BBS1: variants seen among roughly 807,000 people sequenced by gnomAD.
The protein encoded by BBS1 is Bardet-Biedl syndrome 1.
A neutral mutation model predicts 73.9 loss-of-function variants in BBS1; 60 were observed. The observed-to-expected ratio is 0.81, with a 90% CI of 0.66 to 1.01. The LOEUF (loss-of-function observed/expected upper bound fraction) is 1.01, where lower values mean the gene tolerates loss of function less well. BBS1 is among the 50% of genes least tolerant of loss of function. BBS1 has a pLI of 0.00. For synonymous variants in BBS1, 283 were observed against 317.4 expected, an observed-to-expected ratio of 0.89 and a Z score of 1.15; for missense variants, 718 against 770.3, an observed-to-expected ratio of 0.93 and a Z score of 0.80.
At chr11:66,516,116 T>C (rs961845795) in intron 7 of BBS1, among the ~76,000 whole-genome samples, 183 bp downstream of exon 7, 1 of 147,824 alleles carries the variant, frequency 6.8e-6, no homozygotes, top group African/African-American at 2.5e-5. Flanking sequence ...CAGTTAGTAG[T>C]GACAGCTTTT....
intron 14 of BBS1, 111 bp downstream of exon 14, chr11:66,530,063 C>T (rs780428127): frequency 6.9e-7 from 1 of 1,452,962 alleles, no homozygotes; most frequent in Non-Finnish European, 9.3e-7. Context: ...GCCAACTCAG[C>T]CCGTGCTCCC....
intron 11 of BBS1, chr11:66,524,243 G>A: frequency 2.8e-6 from 1 of 355,604 alleles, no homozygotes. Context: ...TCAAACCATG[G>A]CACTTCAGCC....
intron 9 of BBS1, 57 bp from the exon 10 acceptor site, chr11:66,523,399 G>A (rs1403512703): frequency 1.9e-6 from 3 of 1,613,428 alleles, no homozygotes; most frequent in African/African-American, 1.3e-5. Flanking sequence ...AGGAGGGTCA[G>A]CCATAGAAGT....
Position 66,514,541 on chromosome 11 carries a change from C to T in BBS1, c.295C>T (p.Pro99Ser), listed in dbSNP as rs759486291. 2 of 1,614,040 alleles carry T rather than the reference C, an allele frequency of 1.2e-6. No individual in the cohort carries two copies. Among genetic ancestry groups the T allele is most frequent in the Non-Finnish European group, 8.5e-7 (1 of 1,180,040 alleles). ...CACCTTCCTCATGGAGCAACATGAGCCCCGGACCCCAGCTCTGGCACTTGC... is the reference window on the plus strand; with the variant it reads ...CACCTTCCTCATGGAGCAACATGAGTCCCGGACCCCAGCTCTGGCACTTGC... The part of the protein sequence containing the change: ...AATFLMEQHE[P>S]RTPALALASG... Residue 99 changes from proline (P) to serine (S), a missense_variant, in exon 4 of 17, where the codon CCC becomes TCC. Pro to Ser is a moderately conservative substitution (Grantham distance 74). Transcript: ENST00000318312.
Position 66,530,078 on chromosome 11 carries a change from AC to A in BBS1, c.1473+128del, listed in dbSNP as rs1283052267. On this transcript the variant is annotated intron_variant, in intron 14 of 16. Coordinates refer to ENST00000318312, the MANE Select transcript of BBS1 (RefSeq NM_024649.5). ...GCCAACTCAGCCCGTGCTCCCCATC[AC>A]CTTCCCGCAGACCTGGGGACCGAGT... is the stretch of plus-strand genomic sequence containing the variant. The A allele has an allele frequency of 5.9e-6, 8 of 1,354,360 alleles. No individual in the cohort carries two copies. In the East Asian group the frequency reaches 2.0e-4, roughly 34 times the overall value. 83.9% of individuals were successfully genotyped at this position (1,354,360 alleles called of 1,614,324 possible). A position where few individuals can be genotyped will look rare whatever the true frequency, so the allele number is the denominator to read the frequency against.
In BBS1 at chr11:66,526,665, C is replaced by T. The variant is rs774005906; in HGVS notation, c.1197C>T (p.Ile399=). 5.6e-6 allele frequency: 9 copies of T among 1,614,086 alleles called. No homozygotes were observed. The Admixed American group carries it at 1.5e-4, about 27-fold the overall frequency. ...CTTCCCTAGGTGGTGGCCTGATCAT[C>T]AAGATCCTGAAGCGTACAGCAGTGT... is the stretch of plus-strand genomic sequence containing the variant. The part of the protein sequence containing the change: ...IMTTRGGGLI[I]KILKRTAVFV... The change falls in exon 13 of 17, where the codon ATC becomes ATT. Residue 399 remains isoleucine, a synonymous_variant. Coordinates refer to ENST00000318312, the MANE Select transcript of BBS1 (RefSeq NM_024649.5).
chr11:66,529,227 G>A, intron 13 of BBS1: 4 of 1,492,524 alleles, frequency 2.7e-6, no homozygotes, highest in Non-Finnish European at 2.7e-6. Flanking sequence ...GCTTGGGGAA[G>A]AGTCATGTGA....
At chr11:66,531,848 G>A in intron 16 of BBS1, 103 bp from the exon 17 acceptor site, 2 of 1,603,618 alleles carry the variant, frequency 1.2e-6, no homozygotes, top group East Asian at 2.2e-5. Context: ...GGGGGTGGGG[G>A]TATCTGCACA....
chr11:66,524,165 A>T, intron 11 of BBS1: 1 of 426,764 alleles, frequency 2.3e-6, no homozygotes, highest in South Asian at 2.0e-5. Context: ...CTGTAATCCC[A>T]GCTACTCAGG....
intron 3 of BBS1, among the ~76,000 whole-genome samples, chr11:66,512,541 T>G (rs148724081): frequency 6.6e-6 from 1 of 152,118 alleles, no homozygotes; most frequent in Non-Finnish European, 1.5e-5. Context: ...GACACTACAC[T>G]CAGAAATGCA....
At chr11:66,516,160 C>G (rs1259595321) in intron 7 of BBS1, among the ~76,000 whole-genome samples, 1 of 125,774 alleles carries the variant, frequency 8.0e-6, no homozygotes, top group Non-Finnish European at 1.6e-5. Context: ...CAGTCTTGCT[C>G]TGTCACCCAG....
chr11:66,516,039 C>G, intron 7 of BBS1, 106 bp downstream of exon 7: 2 of 1,061,606 alleles, frequency 1.9e-6, no homozygotes, highest in South Asian at 1.3e-5. Context: ...ACCAGTATCT[C>G]TTTGCTATAT....
chr11:66,514,552 A>G lies in BBS1; in HGVS notation c.306A>G (p.Pro102=), dbSNP rs1306912243. 2 of 1,614,154 alleles carry G rather than the reference A, an allele frequency of 1.2e-6. No homozygotes were observed. Among genetic ancestry groups the G allele is most frequent in the Non-Finnish European group, 8.5e-7 (1 of 1,180,036 alleles). Residue 102 remains proline, a synonymous_variant, in exon 4 of 17, where the codon CCA becomes CCG. Transcript: ENST00000318312. ...TGGAGCAACATGAGCCCCGGACCCCAGCTCTGGCACTTGCTTCAGGCCCTT... is the reference window on the plus strand; with the variant it reads ...TGGAGCAACATGAGCCCCGGACCCCGGCTCTGGCACTTGCTTCAGGCCCTT... ...FLMEQHEPRT[P]ALALASGPCV...
intron 3 of BBS1, 29 bp downstream of exon 3, chr11:66,511,268 T>C: frequency 1.2e-6 from 2 of 1,613,506 alleles, no homozygotes; most frequent in Non-Finnish European, 1.7e-6. Flanking sequence ...CCAGGAGAGT[T>C]GAGGGTAGGG....
At chr11:66,527,323 A>G (rs1021830513) in intron 13 of BBS1, among the ~76,000 whole-genome samples, 1 of 151,840 alleles carries the variant, frequency 6.6e-6, no homozygotes, top group African/African-American at 2.4e-5. Flanking sequence ...TCATTCATTC[A>G]TTCAGTACCT....
rs760261609 is a variant in BBS1 at position 66,526,764 on chromosome 11, G to T, written c.1296G>T (p.Arg432=). 8 of 1,614,232 alleles carry T rather than the reference G, an allele frequency of 5.0e-6. No individual in the cohort carries two copies. The highest frequency in any genetic ancestry group is 5.1e-6 in the Non-Finnish European group (6 of 1,180,032). ...AACTCAATGTGCCCCGAAAGACCCG[G>T]CTTTACGTGGATCAGACACTGCGAG... ...AMKLNVPRKT[R]LYVDQTLRER... is the part of the protein sequence containing the mutation. The change falls in exon 13 of 17, where the codon CGG becomes CGT. Residue 432 remains arginine, a synonymous_variant. Coordinates refer to ENST00000318312, the MANE Select transcript of BBS1 (RefSeq NM_024649.5).
intron 9 of BBS1, among the ~76,000 whole-genome samples, chr11:66,521,790 A>T (rs552784668): frequency 1.3e-5 from 2 of 151,750 alleles, no homozygotes; most frequent in East Asian, 3.9e-4. Context: ...CTCTAGCCCC[A>T]GCTACTCGGG....
At chr11:66,531,580 C>A in intron 15 of BBS1, 76 bp from the exon 16 acceptor site, 2 of 1,585,032 alleles carry the variant, frequency 1.3e-6, no homozygotes, top group Non-Finnish European at 1.7e-6. Context: ...GTGGAGACTG[C>A]GGGCCTGAAT....
At position 66,515,746 on chromosome 11, in the gene BBS1, G is replaced by A; in HGVS notation, c.518+15G>A. 6.2e-7 allele frequency: 1 copy of A among 1,614,194 alleles called. No individual in the cohort carries two copies. Among genetic ancestry groups the A allele is most frequent in the Non-Finnish European group, 8.5e-7 (1 of 1,180,026 alleles). On this transcript the variant is annotated intron_variant, in intron 6 of 16. Transcript: ENST00000318312. Reference sequence around the variant, plus strand: ...CAGTCACTCAGGTAAGGACCCTGTGGAGGGCCAGGGTTTGGGAGGCTCCAG... The same window carrying A: ...CAGTCACTCAGGTAAGGACCCTGTGAAGGGCCAGGGTTTGGGAGGCTCCAG...
Sources: allele counts gnomAD v4.1 joint callset (sites outside exome capture counted in the v4.1 genomes callset), GRCh38; gene constraint gnomAD v4.1.1; transcripts MANE v1.5; gene names NCBI Gene and HGNC (gene_info 2026-07-23, HGNC 2026-07-21).